The following REXO4 variants were observed in gnomAD, a reference collection of about 807,000 sequenced individuals.
REXO4 encodes the protein REX4 homolog, 3'-5' exonuclease.
In REXO4, 29 loss-of-function variants were observed where a neutral mutation model predicts 39.9. The observed-to-expected ratio is 0.73, with a 90% confidence interval of 0.54 to 0.99. The LOEUF (loss-of-function observed/expected upper bound fraction) is 0.99. Among genes scored for constraint, REXO4 ranks in the 50% least tolerant of loss-of-function variants. The probability of loss-of-function intolerance (pLI) is 0.00; values close to 1 mark genes in which losing one functional copy is unlikely to be tolerated. For missense variants in REXO4, 524 were observed against 546.5 expected, an observed-to-expected ratio of 0.96 and a Z score of 0.41; for synonymous variants, 184 against 206.2, an observed-to-expected ratio of 0.89 and a Z score of 0.92.
intron 3 of REXO4, 111 bp downstream of exon 3, chr9:133,412,667 G>A (rs1399888522): frequency 6.5e-5 from 97 of 1,481,804 alleles, no homozygotes; most frequent in Non-Finnish European, 8.7e-5. Flanking sequence ...GACCCTGGGA[G>A]GTGCTTGCCT....
intron 5 of REXO4, 106 bp downstream of exon 5, chr9:133,410,879 T>C (rs587747864): frequency 5.0e-6 from 4 of 806,738 alleles, no homozygotes; most frequent in South Asian, 4.3e-5. Context: ...ATTCCCAACA[T>C]AGAGCACAAA....
chr9:133,407,193 C>T, intron 7 of REXO4, 121 bp from the exon 8 acceptor site: 1 of 1,486,412 alleles, frequency 6.7e-7, no homozygotes, highest in East Asian at 2.3e-5. Context: ...GAGACATGGA[C>T]CTGGCCACGA....
chr9:133,408,934 T>TGTGTGTG (rs1839064696), intron 5 of REXO4, 92 bp from the exon 6 acceptor site: 3,985 of 321,820 alleles, frequency 0.012, 420 homozygotes, highest in East Asian at 0.03. Flanking sequence ...AGTAACATCT[T>TGTGTGTG]TGTGTGTGTG....
intron 6 of REXO4, 23 bp from the exon 7 acceptor site, chr9:133,407,904 T>A: frequency 6.3e-7 from 1 of 1,594,406 alleles, no homozygotes; most frequent in Non-Finnish European, 8.6e-7. Context: ...AAGAGGCGGG[T>A]GGGGGCCTCT....
In REXO4 at chr9:133,414,646, T is replaced by G. The variant is rs1839454631; in HGVS notation, c.572+19A>C. 3 of 1,611,278 alleles carry G rather than the reference T, an allele frequency of 1.9e-6. No homozygotes were observed. Among genetic ancestry groups the G allele is most frequent in the Non-Finnish European group, 1.7e-6 (2 of 1,177,494 alleles). ...GTCGCTGTGCCTCGGTTCTCAGTGG[T>G]GAGGTGGCCCATACTTACTCGGTGG... On this transcript the variant is annotated intron_variant, in intron 2 of 7. Transcript: ENST00000371942.
intron 5 of REXO4, among the ~76,000 whole-genome samples, chr9:133,410,417 C>A (rs1554779885): frequency 2.0e-5 from 3 of 152,232 alleles, no homozygotes; most frequent in African/African-American, 7.2e-5. Context: ...GGCTGCCCTC[C>A]CCACCCATGA....
intron 3 of REXO4, 138 bp from the exon 4 acceptor site, chr9:133,412,630 G>T: frequency 7.2e-7 from 1 of 1,397,686 alleles, no homozygotes; most frequent in Non-Finnish European, 9.8e-7. Flanking sequence ...CACGTGACAA[G>T]CTCTGTGTGG....
At chr9:133,412,215 C>T in intron 4 of REXO4, 84 bp downstream of exon 4, 1 of 1,418,774 alleles carries the variant, frequency 7.0e-7, no homozygotes, top group Non-Finnish European at 9.8e-7. Context: ...AGTGAGTGGT[C>T]TCAGACAGAA....
chr9:133,417,179 T>A (rs1002330166), intron 1 of REXO4, among the ~76,000 whole-genome samples: 6 of 152,160 alleles, frequency 3.9e-5, no homozygotes, highest in Non-Finnish European at 8.8e-5. Flanking sequence ...GCCCGGCTAA[T>A]ATTTTTTGTA....
At position 133,415,153 on chromosome 9, in the gene REXO4, T is replaced by C. The variant is rs188161920; in HGVS notation, c.226-142A>G. ...TTCCCATCCGCATCACTGAAATTCA[T>C]TTTCAAACGGTTTGGAAAAAGCTCT... On this transcript the variant is annotated intron_variant, in intron 1 of 7. Coordinates refer to ENST00000371942, the MANE Select transcript of REXO4 (RefSeq NM_020385.4). The C allele has an allele frequency of 2.5e-5, 17 of 692,320 alleles. No homozygotes were observed. In the East Asian group the frequency reaches 4.1e-4, roughly 17 times the overall value. The allele number at this position is 692,320 out of a possible 1,614,324, so 42.9% of individuals were successfully genotyped here.
intron 2 of REXO4, chr9:133,414,425 C>T (rs961651602): frequency 7.3e-6 from 5 of 686,520 alleles, no homozygotes; most frequent in East Asian, 2.8e-5. Flanking sequence ...TTTCCTTCCA[C>T]ACACGTGTAC....
intron 5 of REXO4, among the ~76,000 whole-genome samples, chr9:133,410,203 C>T (rs925999044): frequency 6.6e-6 from 1 of 152,220 alleles, no homozygotes; most frequent in African/African-American, 2.4e-5. Flanking sequence ...CCAAGTGCTT[C>T]AAGCCGGTGG....
chr9:133,418,024 C>G (rs141069732), upstream of REXO4: 1 of 606,110 alleles, frequency 1.6e-6, no homozygotes, highest in South Asian at 2.0e-5. Context: ...TCAGCACGCA[C>G]GCTCCAGTCC....
chr9:133,406,699 G>A lies in REXO4; in HGVS notation c.*254C>T. On this transcript the variant is annotated 3_prime_UTR_variant, in exon 8 of 8. Coordinates refer to ENST00000371942, the MANE Select transcript of REXO4 (RefSeq NM_020385.4). ...GGGGGTCAGCAGTCGGTAAAGCGTG[G>A]CCAGGCGTGCCCATGGCCGTCCCTG... 1.9e-6 allele frequency: 1 copy of A among 526,672 alleles called. No homozygotes were observed. Among genetic ancestry groups the A allele is most frequent in the Non-Finnish European group, 3.4e-6 (1 of 294,960 alleles). The allele number at this position is 526,672 out of a possible 1,614,324, so 32.6% of individuals were successfully genotyped here. A position where few individuals can be genotyped will look rare whatever the true frequency, so the allele number is the denominator to read the frequency against.
At position 133,417,865 on chromosome 9, in the gene REXO4, G is replaced by C. The variant is rs782388155; in HGVS notation, c.-21C>G. On this transcript the variant is annotated 5_prime_UTR_variant, in exon 1 of 8. Coordinates refer to ENST00000371942, the MANE Select transcript of REXO4 (RefSeq NM_020385.4). ...CCCATCCTGCTGCCGTCCAGCGCCT[G>C]GGCCGGCGGCCACCCGAGACCCCGG... 1 of 1,593,142 alleles carries C rather than the reference G, an allele frequency of 6.3e-7. No homozygotes were observed. Among genetic ancestry groups the C allele is most frequent in the South Asian group, 1.1e-5 (1 of 90,830 alleles).
chr9:133,410,809 G>C (rs1839170000), intron 5 of REXO4, among the ~76,000 whole-genome samples, 176 bp downstream of exon 5: 1 of 152,206 alleles, frequency 6.6e-6, no homozygotes. Flanking sequence ...CAAGAGCCTG[G>C]CATGGCTCCT....
chr9:133,408,857 TA>T lies in REXO4; in HGVS notation c.1000-16del. The stretch of plus-strand genomic sequence containing the variant: ...AGAAATAGTACCTAGAAAAATAAAA[TA>T]TAATGATAATCATTTTCATTTTTGG... On this transcript the variant is annotated splice_polypyrimidine_tract_variant and intron_variant, in intron 5 of 7. Transcript: ENST00000371942. 1 of 1,510,728 alleles carries T rather than the reference TA, an allele frequency of 6.6e-7. No individual in the cohort carries two copies. Among genetic ancestry groups the T allele is most frequent in the Middle Eastern group, 1.7e-4 (1 of 5,842 alleles). 93.6% of individuals were successfully genotyped at this position (1,510,728 alleles called of 1,614,324 possible).
In REXO4 at chr9:133,417,965, C is replaced by G; in HGVS notation, c.-121G>C. ...CCGAAACACACCCACCGCAGGGACCCCGTCCAGGAAAAGACTCCGGAAGAG... is the reference window on the plus strand; with the variant it reads ...CCGAAACACACCCACCGCAGGGACCGCGTCCAGGAAAAGACTCCGGAAGAG... On this transcript the variant is annotated 5_prime_UTR_variant, in exon 1 of 8. Coordinates refer to ENST00000371942, the MANE Select transcript of REXO4 (RefSeq NM_020385.4). 1 of 924,978 alleles carries G rather than the reference C, an allele frequency of 1.1e-6. No homozygotes were observed. Among genetic ancestry groups the G allele is most frequent in the Non-Finnish European group, 1.6e-6 (1 of 629,288 alleles). The allele number at this position is 924,978 out of a possible 1,614,324, so 57.3% of individuals were successfully genotyped here. A position where few individuals can be genotyped will look rare whatever the true frequency, so the allele number is the denominator to read the frequency against.
In REXO4 at chr9:133,406,243, G is replaced by A. The variant is rs1838867973; in HGVS notation, c.*710C>T. The A allele has an allele frequency of 6.6e-6, 1 of 152,296 alleles. No individual in the cohort carries two copies. Among genetic ancestry groups the A allele is most frequent in the Admixed American group, 6.5e-5 (1 of 15,284 alleles). The allele number at this position is 152,296 out of a possible 1,614,324, so 9.4% of individuals were successfully genotyped here. A position where few individuals can be genotyped will look rare whatever the true frequency, so the allele number is the denominator to read the frequency against. ...TGGGGCCTAGCCCAGAAAGCCACCG[G>A]CTAGCATCACATAGCTTCTCCAGCT... On this transcript the variant is annotated 3_prime_UTR_variant, in exon 8 of 8. Coordinates refer to ENST00000371942, the MANE Select transcript of REXO4 (RefSeq NM_020385.4).
Sources: allele counts gnomAD v4.1 joint callset (sites outside exome capture counted in the v4.1 genomes callset), GRCh38; gene constraint gnomAD v4.1.1; transcripts MANE v1.5; gene names NCBI Gene and HGNC (gene_info 2026-07-23, HGNC 2026-07-21).